The following ZCCHC4 variants were observed in gnomAD, a reference collection of about 807,000 sequenced individuals.
The protein encoded by ZCCHC4 is zinc finger CCHC-type containing 4.
In ZCCHC4, 54 loss-of-function variants were observed where a neutral mutation model predicts 67.7. The ratio of observed to expected loss-of-function variants is 0.80; its 90% CI spans 0.64 to 1.00. ZCCHC4 has a LOEUF of 1.00. ZCCHC4 is among the 50% of genes least tolerant of loss of function. The pLI is 0.00. For synonymous variants in ZCCHC4, 198 were observed against 213.5 expected, an observed-to-expected ratio of 0.93 and a Z score of 0.63; for missense variants, 609 against 617.0, an observed-to-expected ratio of 0.99 and a Z score of 0.14.
At chr4:25,351,712 T>C in intron 8 of ZCCHC4, 23 bp downstream of exon 8, 1 of 1,560,036 alleles carries the variant, frequency 6.4e-7, no homozygotes, top group South Asian at 1.2e-5. Context: ...TTCTGTTTTC[T>C]GGCATGGTTG....
At chr4:25,367,914 G>A (rs1270759660) in intron 12 of ZCCHC4, among the ~76,000 whole-genome samples, 2 of 152,182 alleles carry the variant, frequency 1.3e-5, no homozygotes, top group South Asian at 2.1e-4. Flanking sequence ...GGTTCTGCAA[G>A]TTCCTCATGG....
intron 1 of ZCCHC4, among the ~76,000 whole-genome samples, chr4:25,313,585 AAC>A (rs1449838247): frequency 6.6e-6 from 1 of 152,204 alleles, no homozygotes; most frequent in East Asian, 1.9e-4. Flanking sequence ...ACATTCATTA[AAC>A]ACAGAGAAGC....
intron 5 of ZCCHC4, among the ~76,000 whole-genome samples, chr4:25,343,234 T>C (rs1719839648): frequency 1.3e-5 from 2 of 152,218 alleles, no homozygotes; most frequent in African/African-American, 4.8e-5. Context: ...CGGTATATAG[T>C]TTAAATATTT....
chr4:25,369,581 A>T lies in ZCCHC4; in HGVS notation c.*417A>T, dbSNP rs1042255417. Reference sequence around the variant, plus strand: ...CCTGAGTAGCTGGAATTATAGGCACATGCCACCACGACTGGCTAATTTTTG... The same window carrying T: ...CCTGAGTAGCTGGAATTATAGGCACTTGCCACCACGACTGGCTAATTTTTG... On this transcript the variant is annotated 3_prime_UTR_variant, in exon 13 of 13. Coordinates refer to ENST00000302874, the MANE Select transcript of ZCCHC4 (RefSeq NM_024936.3). 1 of 162,556 alleles carries T rather than the reference A, an allele frequency of 6.2e-6. No homozygotes were observed. Among genetic ancestry groups the T allele is most frequent in the Admixed American group, 6.5e-5 (1 of 15,376 alleles). 10.1% of individuals were successfully genotyped at this position (162,556 alleles called of 1,614,324 possible).
chr4:25,323,407 G>GT (rs11380168), intron 3 of ZCCHC4, among the ~76,000 whole-genome samples: 76,140 of 150,430 alleles, frequency 0.51, 20,842 homozygotes, highest in Non-Finnish European at 0.61. Context: ...GTTCTGTTGT[G>GT]TTTTTTTTTC....
intron 5 of ZCCHC4, among the ~76,000 whole-genome samples, chr4:25,334,254 A>G (rs901109962): frequency 3.9e-5 from 6 of 152,212 alleles, no homozygotes; most frequent in Non-Finnish European, 7.3e-5. Flanking sequence ...TAATCTACAG[A>G]TGAATCTCTA....
At chr4:25,343,131 A>G (rs944671539) in intron 5 of ZCCHC4, among the ~76,000 whole-genome samples, 2 of 152,182 alleles carry the variant, frequency 1.3e-5, no homozygotes, top group African/African-American at 4.8e-5. Context: ...TTTTAAAGGC[A>G]GTTATGTGAA....
At chr4:25,330,704 A>C (rs1719134533) in intron 3 of ZCCHC4, among the ~76,000 whole-genome samples, 3 of 152,022 alleles carry the variant, frequency 2.0e-5, no homozygotes, top group Admixed American at 1.3e-4. Flanking sequence ...TCTAGGGCTA[A>C]TTTTTCCTCC....
rs111741757 is a variant in ZCCHC4 at position 25,335,121 on chromosome 4, C to T, written c.686+1133C>T. Among the ~76,000 whole-genome samples the T allele has an allele frequency of 6.8e-3, 1,032 of 152,284 alleles. 10 individuals carry two copies. The highest frequency in any genetic ancestry group is 0.023 in the African/African-American group (969 of 41,578). On this transcript the variant is annotated intron_variant, in intron 5 of 12. Coordinates refer to ENST00000302874, the MANE Select transcript of ZCCHC4 (RefSeq NM_024936.3). Reference sequence around the variant, plus strand: ...CAGACATGAGCCACCAAGCACTAAACAGATTTTTAAAGTGTAAAATGTCCG... The same window carrying T: ...CAGACATGAGCCACCAAGCACTAAATAGATTTTTAAAGTGTAAAATGTCCG...
At chr4:25,366,339 AG>A in intron 12 of ZCCHC4, 1 of 769,742 alleles carries the variant, frequency 1.3e-6, no homozygotes, top group African/African-American at 2.1e-5. Flanking sequence ...TTTTAAAGAC[AG>A]AGTCTTGCTC....
At position 25,359,532 on chromosome 4, in the gene ZCCHC4, GA is replaced by G. The variant is rs1238722722; in HGVS notation, c.1012-2326del. On this transcript the variant is annotated intron_variant, in intron 8 of 12. Coordinates refer to ENST00000302874, the MANE Select transcript of ZCCHC4 (RefSeq NM_024936.3). The surrounding 1 kb of genome is among the most constrained non-coding windows in gnomAD (Gnocchi z 4.9). ...CTGATACCAAGGAGGCTGTTGGCGG[GA>G]TCAAGGGGTCCGTGCCACAAAGAAG... is the stretch of plus-strand genomic sequence containing the variant. Among the ~76,000 whole-genome samples, 4 of 152,206 alleles carry G rather than the reference GA, an allele frequency of 2.6e-5. No individual in the cohort carries two copies. Among genetic ancestry groups the G allele is most frequent in the Non-Finnish European group, 5.9e-5 (4 of 68,032 alleles).
chr4:25,355,109 C>T (rs1444452361), intron 8 of ZCCHC4, among the ~76,000 whole-genome samples: 1 of 152,030 alleles, frequency 6.6e-6, no homozygotes, highest in African/African-American at 2.4e-5. Context: ...CAGAATAAAA[C>T]AGTCATCAAA....
In ZCCHC4 at chr4:25,333,507, C is replaced by T. The variant is rs762966188; in HGVS notation, c.605+49C>T. 23 of 1,582,998 alleles carry T rather than the reference C, an allele frequency of 1.5e-5. No individual in the cohort carries two copies. The East Asian group carries it at 5.1e-4, about 35-fold the overall frequency. On this transcript the variant is annotated intron_variant, in intron 4 of 12. Coordinates refer to ENST00000302874, the MANE Select transcript of ZCCHC4 (RefSeq NM_024936.3). ...AATTATCTTCTCACCACTATTGAAA[C>T]TGTATGAAGATTTTATTAAGTAGTT...
intron 9 of ZCCHC4, 97 bp downstream of exon 9, chr4:25,362,077 C>A: frequency 6.7e-7 from 1 of 1,483,090 alleles, no homozygotes; most frequent in Non-Finnish European, 9.1e-7. Context: ...TCATGTTATT[C>A]TTCTGTTACT....
chr4:25,352,397 TC>T, intron 8 of ZCCHC4: 1 of 985,526 alleles, frequency 1.0e-6, no homozygotes, highest in Non-Finnish European at 1.2e-6. Context: ...TTTATGGTCT[TC>T]AGGCAGGTAC....
chr4:25,352,473 A>G (rs181154404), intron 8 of ZCCHC4: 10 of 876,216 alleles, frequency 1.1e-5, no homozygotes, highest in Admixed American at 1.2e-4. Context: ...CAGTGGTACA[A>G]TCTCGGCTCA....
chr4:25,349,688 C>A, intron 7 of ZCCHC4, 46 bp downstream of exon 7: 1 of 1,578,538 alleles, frequency 6.3e-7, no homozygotes, highest in Non-Finnish European at 8.7e-7. Flanking sequence ...TATATATCTA[C>A]TTCCTGTCAA....
rs372550137 is a variant in ZCCHC4, at chr4:25,314,202, G to A, written c.246+38G>A. 4 of 1,391,216 alleles carry A rather than the reference G, an allele frequency of 2.9e-6. No individual in the cohort carries two copies. The African/African-American group carries it at 4.3e-5, about 15-fold the overall frequency. 86.2% of individuals were successfully genotyped at this position (1,391,216 alleles called of 1,614,324 possible). The stretch of plus-strand genomic sequence containing the variant: ...TTTGGATATTTATTTTTTATTTTTG[G>A]TATGTGTGACAATTTTGTTGAGAAC... On this transcript the variant is annotated intron_variant, in intron 2 of 12. Transcript: ENST00000302874.
intron 8 of ZCCHC4, among the ~76,000 whole-genome samples, chr4:25,352,978 CT>C (rs1289789902): frequency 6.6e-6 from 1 of 152,198 alleles, no homozygotes; most frequent in African/African-American, 2.4e-5. Flanking sequence ...AAAGTGTTCA[CT>C]TTTAATCTTT....
Sources: gnomAD v4.1 joint callset for allele counts (sites outside exome capture counted in the v4.1 genomes callset) on GRCh38, gnomAD v4.1.1 for gene constraint, Gnocchi (gnomAD v3.1) non-coding constraint, MANE v1.5 for transcripts, NCBI Gene and HGNC (gene_info 2026-07-23, HGNC 2026-07-21) for gene names.